The following ETF1 variants were observed in gnomAD, a reference collection of about 807,000 sequenced individuals.
The protein encoded by ETF1 is eukaryotic peptide chain release factor subunit 1.
A neutral mutation model predicts 55.1 loss-of-function variants in ETF1; 4 were observed. That is an observed-to-expected ratio of 0.07 (90% CI 0.04 to 0.17). ETF1 has a LOEUF of 0.17. Among genes scored for constraint, ETF1 ranks in the 10% least tolerant of loss-of-function variants. The pLI is 1.00. For missense variants in ETF1, 142 were observed against 523.6 expected (o/e 0.27, Z 7.11); for synonymous variants, 157 against 182.3 (o/e 0.86, Z 1.12).
At chr5:138,541,307 A>G (rs936997709) in intron 2 of ETF1, among the ~76,000 whole-genome samples, 1 of 152,180 alleles carries the variant, frequency 6.6e-6, no homozygotes, top group Non-Finnish European at 1.5e-5. Context: ...TTCCTGTAAG[A>G]TCATTAAGAA....
At chr5:138,513,032 C>A in intron 5 of ETF1, 78 bp from the exon 6 acceptor site, 1 of 1,428,282 alleles carries the variant, frequency 7.0e-7, no homozygotes, top group Non-Finnish European at 9.1e-7. Flanking sequence ...ATAAAATAAT[C>A]ATGTCATCAT....
At chr5:138,535,986 A>C (rs1238033916) in intron 2 of ETF1, among the ~76,000 whole-genome samples, 1 of 148,592 alleles carries the variant, frequency 6.7e-6, no homozygotes, top group Admixed American at 6.7e-5. Flanking sequence ...AAAATGGTTT[A>C]TATTATCATT....
In ETF1 at chr5:138,513,560, T is replaced by G. The variant is rs754246870; in HGVS notation, c.541+8A>C. ...AGTAAGTGGGTTCATGTTCTCCTCC[T>G]GTATTACCGTGTTTCTTTGGGAGAT... On this transcript the variant is annotated splice_region_variant and intron_variant, in intron 5 of 10. Coordinates refer to ENST00000360541, the MANE Select transcript of ETF1 (RefSeq NM_004730.4). The G allele has an allele frequency of 1.9e-6, 3 of 1,594,982 alleles. No homozygotes were observed. The Admixed American group carries it at 5.0e-5, about 27-fold the overall frequency.
intron 2 of ETF1, chr5:138,541,460 C>A: frequency 8.0e-7 from 1 of 1,248,808 alleles, no homozygotes; most frequent in Non-Finnish European, 1.1e-6. Flanking sequence ...CTTTTAGAAG[C>A]CTCATTCCAA....
At chr5:138,533,002 C>T (rs1765767127) in intron 2 of ETF1, among the ~76,000 whole-genome samples, 1 of 151,738 alleles carries the variant, frequency 6.6e-6, no homozygotes. Context: ...TACAGTGGCG[C>T]CATTTCGACT....
rs1291278506 is a variant in ETF1, at chr5:138,507,296, G to C, written c.*1009C>G. ...TTACATGCAGTCATACATGTCTGTC[G>C]TTCCTGTGAAAAACCTTGCAGTTCA... On this transcript the variant is annotated 3_prime_UTR_variant, in exon 11 of 11. Transcript: ENST00000360541. The C allele has an allele frequency of 6.6e-6, 1 of 152,364 alleles. No individual in the cohort carries two copies. The highest frequency in any genetic ancestry group is 1.5e-5 in the Non-Finnish European group (1 of 68,016). The allele number at this position is 152,364 out of a possible 1,614,324, so 9.4% of individuals were successfully genotyped here. A position where few individuals can be genotyped will look rare whatever the true frequency, so the allele number is the denominator to read the frequency against.
intron 2 of ETF1, among the ~76,000 whole-genome samples, chr5:138,525,791 CA>C (rs1408938384): frequency 6.6e-6 from 1 of 151,758 alleles, no homozygotes; most frequent in Non-Finnish European, 1.5e-5. Flanking sequence ...ACTAAAAATA[CA>C]AAAATTAGCT....
rs1344258946 is a variant in ETF1, at chr5:138,543,088, G to A, written c.-19+9C>T. ...AAAGGTCACCGGCCTTTCCCTCCCTGTGCCTTACCTAAGGGCCCAGTCCTG... is the reference window on the plus strand; with the variant it reads ...AAAGGTCACCGGCCTTTCCCTCCCTATGCCTTACCTAAGGGCCCAGTCCTG... On this transcript the variant is annotated intron_variant, in intron 1 of 10. Transcript: ENST00000360541. 2 of 680,420 alleles carry A rather than the reference G, an allele frequency of 2.9e-6. No homozygotes were observed. The highest frequency in any genetic ancestry group is 4.9e-6 in the Non-Finnish European group (2 of 406,774). The allele number at this position is 680,420 out of a possible 1,614,324, so 42.1% of individuals were successfully genotyped here.
At position 138,543,096 on chromosome 5, in the gene ETF1, C is replaced by T; in HGVS notation, c.-19+1G>A. ...CCGGCCTTTCCCTCCCTGTGCCTTA[C>T]CTAAGGGCCCAGTCCTGGGCGGCAG... On this transcript the variant is annotated splice_donor_variant, in intron 1 of 10. Transcript: ENST00000360541. LOFTEE classifies it low-confidence loss of function (5UTR_SPLICE). 1.5e-6 allele frequency: 1 copy of T among 655,748 alleles called. No individual in the cohort carries two copies. The highest frequency in any genetic ancestry group is 2.6e-6 in the Non-Finnish European group (1 of 386,264). The allele number at this position is 655,748 out of a possible 1,614,324, so 40.6% of individuals were successfully genotyped here.
At chr5:138,542,377 G>A (rs1766215697) in intron 2 of ETF1, among the ~76,000 whole-genome samples, 1 of 152,164 alleles carries the variant, frequency 6.6e-6, no homozygotes, top group Non-Finnish European at 1.5e-5. Flanking sequence ...TCACCCACCC[G>A]GGTCTCAGAA....
chr5:138,527,899 A>G (rs1429382656), intron 2 of ETF1, among the ~76,000 whole-genome samples: 4 of 151,810 alleles, frequency 2.6e-5, no homozygotes, highest in East Asian at 1.9e-4. Context: ...CAGCCTCCTG[A>G]GTAGCTGGGG....
chr5:138,541,757 C>T, intron 2 of ETF1: 2 of 504,134 alleles, frequency 4.0e-6, no homozygotes, highest in South Asian at 7.6e-5. Flanking sequence ...GTTCCAAACA[C>T]TTTTTTTTGG....
chr5:138,532,963 G>A lies in ETF1; in HGVS notation c.86+9870C>T, dbSNP rs113592437. On this transcript the variant is annotated intron_variant, in intron 2 of 10. Transcript: ENST00000360541. ...AAGCTTCTTTTTTTTTTTTTGAGAC[G>A]GAGTCTCACTCTGTAACCCAGGCTG... Among the ~76,000 whole-genome samples the A allele has an allele frequency of 1.5e-3, 220 of 149,426 alleles. 2 individuals carry two copies. Among genetic ancestry groups the A allele is most frequent in the Non-Finnish European group, 2.3e-3 (156 of 67,558 alleles).
chr5:138,528,516 G>A (rs1765568328), intron 2 of ETF1, among the ~76,000 whole-genome samples: 1 of 152,156 alleles, frequency 6.6e-6, no homozygotes, highest in South Asian at 2.1e-4. Context: ...CTTGTTATAG[G>A]ATTCCACTTT....
rs1766235380 is a variant in ETF1, at chr5:138,542,696, G to A, written c.86+137C>T. On this transcript the variant is annotated intron_variant, in intron 2 of 10. Transcript: ENST00000360541. ...CGCCGACCCTCGCCCCTGGGTCAGGGGCTACTACCCAGAGATCCAGAAGGC... is the reference window on the plus strand; with the variant it reads ...CGCCGACCCTCGCCCCTGGGTCAGGAGCTACTACCCAGAGATCCAGAAGGC... 4.7e-6 allele frequency: 7 copies of A among 1,493,776 alleles called. No homozygotes were observed. In the East Asian group the frequency reaches 1.5e-4, roughly 32 times the overall value. 92.5% of individuals were successfully genotyped at this position (1,493,776 alleles called of 1,614,324 possible). A position where few individuals can be genotyped will look rare whatever the true frequency, so the allele number is the denominator to read the frequency against.
At chr5:138,509,368 A>G (rs1367779452) in intron 9 of ETF1, among the ~76,000 whole-genome samples, 7 of 152,254 alleles carry the variant, frequency 4.6e-5, no homozygotes, top group Non-Finnish European at 7.3e-5. Context: ...CAGGAGAGGC[A>G]TTATGTAAAT....
chr5:138,528,714 C>G (rs1765574773), intron 2 of ETF1, among the ~76,000 whole-genome samples: 1 of 152,086 alleles, frequency 6.6e-6, no homozygotes, highest in Non-Finnish European at 1.5e-5. Flanking sequence ...ATGGGGGAAA[C>G]ATTAAGTTTC....
At chr5:138,541,333 T>C (rs530072199) in intron 2 of ETF1, among the ~76,000 whole-genome samples, 3 of 152,308 alleles carry the variant, frequency 2.0e-5, no homozygotes, top group East Asian at 1.9e-4. Context: ...GGATATTCTA[T>C]TGAATTCAAA....
intron 2 of ETF1, among the ~76,000 whole-genome samples, chr5:138,522,167 C>G (rs1301649647): frequency 6.6e-6 from 1 of 151,904 alleles, no homozygotes; most frequent in African/African-American, 2.4e-5. Context: ...AACCCAAAAA[C>G]CGACCTTTGG....
Sources: gnomAD v4.1 joint callset for allele counts (sites outside exome capture counted in the v4.1 genomes callset) on GRCh38, gnomAD v4.1.1 for gene constraint, MANE v1.5 for transcripts, NCBI Gene and HGNC (gene_info 2026-07-23, HGNC 2026-07-21) for gene names.